Variants in SCYL3 observed in about 807,000 individuals in gnomAD.
The protein encoded by SCYL3 is SCY1 like pseudokinase 3, also known as protein-associating with the carboxyl-terminal domain of ezrin.
A neutral mutation model predicts 73.8 loss-of-function variants in SCYL3; 35 were observed. The ratio of observed to expected loss-of-function variants is 0.47; its 90% CI spans 0.36 to 0.63. The LOEUF is 0.63. Ranked by LOEUF, SCYL3 falls within the 20% of genes least tolerant of loss-of-function variation. The pLI, the probability that SCYL3 is intolerant of heterozygous loss-of-function variation, is 0.00. For missense variants in SCYL3, 712 were observed against 798.9 expected (o/e 0.89, Z 1.31); for synonymous variants, 277 against 295.2 (o/e 0.94, Z 0.63).
intron 2 of SCYL3, among the ~76,000 whole-genome samples, chr1:169,886,269 C>G (rs1239735728): frequency 6.8e-6 from 1 of 146,704 alleles, no homozygotes; most frequent in Non-Finnish European, 1.5e-5. Context: ...CAAGATCGAA[C>G]CACTGCACTC....
At chr1:169,855,040 G>A (rs1397053639) in intron 11 of SCYL3, 76 bp from the exon 12 acceptor site, 6 of 1,067,542 alleles carry the variant, frequency 5.6e-6, no homozygotes, top group Non-Finnish European at 8.1e-6. Flanking sequence ...ATAGCATTAA[G>A]GAAGTGTAGT....
chr1:169,876,112 A>C, intron 3 of SCYL3, 21 bp from the exon 4 acceptor site: 1 of 1,408,170 alleles, frequency 7.1e-7, no homozygotes, highest in Non-Finnish European at 9.8e-7. Flanking sequence ...AAAAGAACAG[A>C]AGGAAGAGTG....
Position 169,854,304 on chromosome 1 carries a change from A to C in SCYL3, c.1973T>G (p.Phe658Cys). The stretch of plus-strand genomic sequence containing the variant: ...TTCTGCTGCAGCAAATTTTGAGGAA[A>C]ACTGCATCACTGGGGAGACATCATC... ...KKDDVSPVMQFSSKFAAAEIT... is the reference protein window; with the variant it reads ...KKDDVSPVMQCSSKFAAAEIT... Residue 658 changes from phenylalanine (F) to cysteine (C), a missense_variant, in exon 12 of 13, where the codon TTT becomes TGT. Phe to Cys is a radical substitution (Grantham distance 205, BLOSUM62 -2). Transcript: ENST00000367771. 1 of 1,607,930 alleles carries C rather than the reference A, an allele frequency of 6.2e-7. No individual in the cohort carries two copies. The highest frequency in any genetic ancestry group is 8.5e-7 in the Non-Finnish European group (1 of 1,178,084).
At position 169,867,357 on chromosome 1, in the gene SCYL3, T is replaced by TA. The variant is rs532430517; in HGVS notation, c.738-385dup. On this transcript the variant is annotated intron_variant, in intron 7 of 12. Coordinates refer to ENST00000367771, the MANE Select transcript of SCYL3 (RefSeq NM_020423.7). ...TCTCCTTTGATGAAATAAAAACTAT[T>TA]AAAGAGATTGTGGAAAGTGGAATTT... 4.1e-3 allele frequency among the ~76,000 whole-genome samples: 621 copies of TA among 152,330 alleles called. 5 individuals are homozygous for TA. The highest frequency in any genetic ancestry group is 0.013 in the African/African-American group (551 of 41,564).
intron 2 of SCYL3, among the ~76,000 whole-genome samples, chr1:169,884,378 A>G (rs1396788360): frequency 6.6e-6 from 1 of 152,120 alleles, no homozygotes; most frequent in Non-Finnish European, 1.5e-5. Flanking sequence ...GCTCACTGCA[A>G]CCTTCGCCTC....
rs149229551 is a variant in SCYL3 at position 169,876,054 on chromosome 1, A to G, written c.389T>C (p.Val130Ala). The G allele has an allele frequency of 1.8e-3, 2,961 of 1,610,918 alleles. 6 individuals carry two copies. Among genetic ancestry groups the G allele is most frequent in the South Asian group, 3.6e-3 (324 of 90,568 alleles). ...CCAGTGTCCATCTTCACTCACAAAC[A>G]CAGATGATAAACAGACATTATTGTG... is the stretch of plus-strand genomic sequence containing the variant. ...LTHNNVCLSS[V>A]FVSEDGHWKL... is the part of the protein sequence containing the mutation. Residue 130 changes from valine to alanine, a missense_variant, in exon 4 of 13, where the codon GTG (valine) becomes GCG (alanine). Physicochemically the swap from Val to Ala is moderately conservative, Grantham distance 64. Transcript: ENST00000367771.
At chr1:169,863,830 G>C (rs1659835784) in intron 9 of SCYL3, among the ~76,000 whole-genome samples, 1 of 152,188 alleles carries the variant, frequency 6.6e-6, no homozygotes. Context: ...AATTCTGAAA[G>C]CAGGATTCTA....
chr1:169,871,903 T>A (rs1196646161), intron 5 of SCYL3, among the ~76,000 whole-genome samples: 2 of 152,224 alleles, frequency 1.3e-5, no homozygotes, highest in African/African-American at 4.8e-5. Flanking sequence ...CAGCAGAGCA[T>A]TCAAGAGGTG....
chr1:169,885,012 T>C (rs749590393), intron 2 of SCYL3, among the ~76,000 whole-genome samples: 1 of 152,208 alleles, frequency 6.6e-6, no homozygotes, highest in South Asian at 2.1e-4. Context: ...TAGGATATTT[T>C]TCAATGAACA....
chr1:169,853,347 T>TATA lies in SCYL3; in HGVS notation c.*365_*366insTAT, dbSNP rs1553258184. 2 of 318,306 alleles carry TATA rather than the reference T, an allele frequency of 6.3e-6. No homozygotes were observed. The highest frequency in any genetic ancestry group is 6.2e-5 in the East Asian group (1 of 16,002). 19.7% of individuals were successfully genotyped at this position (318,306 alleles called of 1,614,324 possible). ...TTCATAATAGAGCTTACTCTTATGTTAAAGAATGGCACAAAATTAAGCTAA... is the reference window on the plus strand; with the variant it reads ...TTCATAATAGAGCTTACTCTTATGTTATAAAAGAATGGCACAAAATTAAGCTAA... On this transcript the variant is annotated 3_prime_UTR_variant, in exon 13 of 13. Coordinates refer to ENST00000367771, the MANE Select transcript of SCYL3 (RefSeq NM_020423.7).
At chr1:169,892,952 G>C (rs181890118) in intron 1 of SCYL3, among the ~76,000 whole-genome samples, 1 of 152,280 alleles carries the variant, frequency 6.6e-6, no homozygotes, top group African/African-American at 2.4e-5. Context: ...TGTACTGGCT[G>C]ATATTCTGGT....
rs780349634 is a variant in SCYL3, at chr1:169,875,969, CT to C, written c.465+8del. The stretch of plus-strand genomic sequence containing the variant: ...CCAAGTAAGGAAGGGGGGCTGTCCC[CT>C]GGCTTACCTCTGGTGTGGCCTGAGA... On this transcript the variant is annotated splice_region_variant and intron_variant, in intron 4 of 12. Transcript: ENST00000367771. 1.5e-4 allele frequency: 236 copies of C among 1,583,104 alleles called. No individual in the cohort carries two copies. The highest frequency in any genetic ancestry group is 1.9e-4 in the Non-Finnish European group (220 of 1,161,218).
Position 169,850,117 on chromosome 1 carries a change from A to C in SCYL3, c.*3596T>G. 1.7e-6 allele frequency: 1 copy of C among 603,310 alleles called. No individual in the cohort carries two copies. The highest frequency in any genetic ancestry group is 2.9e-6 in the Non-Finnish European group (1 of 340,082). 37.4% of individuals were successfully genotyped at this position (603,310 alleles called of 1,614,324 possible). On this transcript the variant is annotated 3_prime_UTR_variant, in exon 13 of 13. Coordinates refer to ENST00000367771, the MANE Select transcript of SCYL3 (RefSeq NM_020423.7). Reference sequence around the variant, plus strand: ...TTTGTATTATCCTTAGGGACCCTGAAGGAATCATGAGTTTATCACCTTTGA... The same window carrying C: ...TTTGTATTATCCTTAGGGACCCTGACGGAATCATGAGTTTATCACCTTTGA...
At chr1:169,890,522 G>A (rs537402047) in intron 1 of SCYL3, among the ~76,000 whole-genome samples, 2 of 152,166 alleles carry the variant, frequency 1.3e-5, no homozygotes, top group East Asian at 3.9e-4. Flanking sequence ...TCCCCACTTC[G>A]GTGAAATTCC....
At chr1:169,855,393 A>G (rs1446790817) in intron 11 of SCYL3, among the ~76,000 whole-genome samples, 4 of 152,208 alleles carry the variant, frequency 2.6e-5, no homozygotes, top group Non-Finnish European at 4.4e-5. Context: ...TAAGTGTAGT[A>G]GTTAAGGCAC....
At position 169,873,768 on chromosome 1, in the gene SCYL3, A is replaced by G. The variant is rs1458756539; in HGVS notation, c.466-16T>C. On this transcript the variant is annotated splice_polypyrimidine_tract_variant and intron_variant, in intron 4 of 12. Transcript: ENST00000367771. ...TCCTCAGAAACTAGACAGAGAAATA[A>G]ATTAAAGAAAATGATTCATACATAT... The G allele has an allele frequency of 6.4e-7, 1 of 1,563,116 alleles. No individual in the cohort carries two copies. Among genetic ancestry groups the G allele is most frequent in the Non-Finnish European group, 8.8e-7 (1 of 1,136,900 alleles).
chr1:169,872,851 C>T (rs1475796310), intron 5 of SCYL3, among the ~76,000 whole-genome samples: 4 of 152,120 alleles, frequency 2.6e-5, no homozygotes, highest in African/African-American at 7.2e-5. Flanking sequence ...TTGGAATGGC[C>T]GTATTTACCC....
Position 169,873,756 on chromosome 1 carries a change from GA to G in SCYL3, c.466-5del. 1 of 1,593,170 alleles carries G rather than the reference GA, an allele frequency of 6.3e-7. No individual in the cohort carries two copies. Among genetic ancestry groups the G allele is most frequent in the Non-Finnish European group, 8.6e-7 (1 of 1,162,546 alleles). ...TTGACTGAATACTCCTCAGAAACTA[GA>G]CAGAGAAATAAATTAAAGAAAATGA... On this transcript the variant is annotated splice_region_variant and splice_polypyrimidine_tract_variant and intron_variant, in intron 4 of 12. Transcript: ENST00000367771.
chr1:169,894,018 G>A (rs1049946086), upstream of SCYL3: 1 of 152,272 alleles, frequency 6.6e-6, no homozygotes, highest in Non-Finnish European at 1.5e-5. Context: ...AGGAACCGAG[G>A]TAGAGAGGCC....
Sources: allele counts gnomAD v4.1 joint callset (sites outside exome capture counted in the v4.1 genomes callset), GRCh38; gene constraint gnomAD v4.1.1; transcripts MANE v1.5; gene names NCBI Gene and HGNC (gene_info 2026-07-23, HGNC 2026-07-21).